Variants in NOXRED1 observed in about 807,000 individuals in gnomAD.
The protein encoded by NOXRED1 is NADP-dependent oxidoreductase domain-containing protein 1.
NOXRED1 carries 20 observed loss-of-function variants against 30.4 expected under a neutral mutation model. That is an observed-to-expected ratio of 0.66 (90% CI 0.46 to 0.96). NOXRED1 has a LOEUF of 0.96. Ranked by LOEUF, NOXRED1 falls within the 40% of genes least tolerant of loss-of-function variation. The probability of loss-of-function intolerance (pLI) is 0.00; values close to 1 mark genes in which losing one functional copy is unlikely to be tolerated. For synonymous variants in NOXRED1, 155 were observed against 168.0 expected (o/e 0.92, Z 0.60); for missense variants, 374 against 428.0 (o/e 0.87, Z 1.11).
At chr14:77,403,927 G>A (rs573483914) in intron 5 of NOXRED1, among the ~76,000 whole-genome samples, 1 of 152,264 alleles carries the variant, frequency 6.6e-6, no homozygotes, top group African/African-American at 2.4e-5. Context: ...GTACTAACCA[G>A]GCCCGACCCT....
chr14:77,423,134 TG>T lies in NOXRED1; in HGVS notation c.-246del. On this transcript the variant is annotated 5_prime_UTR_variant, in exon 1 of 6. The change abolishes the stop of an existing upstream ORF in the 5' untranslated region. Transcript: ENST00000380835. Reference sequence around the variant, plus strand: ...CTAATCACTGGCTGCCCATGAATCCTGGACTCATGAAAAACCTGTACAGAAA... The same window carrying T: ...CTAATCACTGGCTGCCCATGAATCCTGACTCATGAAAAACCTGTACAGAAA... 1 of 434,790 alleles carries T rather than the reference TG, an allele frequency of 2.3e-6. No individual in the cohort carries two copies. Among genetic ancestry groups the T allele is most frequent in the Non-Finnish European group, 4.1e-6 (1 of 246,270 alleles). 26.9% of individuals were successfully genotyped at this position (434,790 alleles called of 1,614,324 possible). A position where few individuals can be genotyped will look rare whatever the true frequency, so the allele number is the denominator to read the frequency against.
At chr14:77,421,573 G>T (rs1594883605) in intron 1 of NOXRED1, among the ~76,000 whole-genome samples, 1 of 151,990 alleles carries the variant, frequency 6.6e-6, no homozygotes, top group African/African-American at 2.4e-5. Flanking sequence ...GTTCATTCAG[G>T]GTACAACTTT....
chr14:77,410,139 G>GA (rs796291582), intron 2 of NOXRED1, among the ~76,000 whole-genome samples: 288 of 147,924 alleles, frequency 1.9e-3, no homozygotes, highest in African/African-American at 6.2e-3. Flanking sequence ...AGGAATATAG[G>GA]AAAAAAAAAA....
chr14:77,417,999 T>C (rs987693190), intron 1 of NOXRED1, among the ~76,000 whole-genome samples: 16 of 152,214 alleles, frequency 1.1e-4, no homozygotes, highest in African/African-American at 3.9e-4. Context: ...CAACCTATTT[T>C]AAGATGATAA....
intron 2 of NOXRED1, among the ~76,000 whole-genome samples, chr14:77,412,641 T>C (rs1894690751): frequency 6.6e-6 from 1 of 152,072 alleles, no homozygotes; most frequent in Non-Finnish European, 1.5e-5. Flanking sequence ...GCCGCCTGAG[T>C]AGCTGGGACT....
intron 5 of NOXRED1, among the ~76,000 whole-genome samples, chr14:77,405,573 A>G (rs529362603): frequency 1.3e-5 from 2 of 152,368 alleles, no homozygotes; most frequent in East Asian, 1.9e-4. Context: ...TTGTACTAAC[A>G]TAGAATGGTA....
At chr14:77,419,059 TCTTTCTTTCTC>T (rs386779042) in intron 1 of NOXRED1, among the ~76,000 whole-genome samples, 28 of 149,814 alleles carry the variant, frequency 1.9e-4, no homozygotes, top group African/African-American at 6.8e-4. Flanking sequence ...TCTGGGAAGC[TCTTTCTTTCTC>T]TTTTTTTTTT....
chr14:77,397,571 G>A (rs1228614292), intron 5 of NOXRED1, among the ~76,000 whole-genome samples: 2 of 152,022 alleles, frequency 1.3e-5, no homozygotes, highest in Non-Finnish European at 2.9e-5. Context: ...ATGTGACTCC[G>A]TATTTATCTC....
At chr14:77,402,089 G>A (rs556795016) in intron 5 of NOXRED1, among the ~76,000 whole-genome samples, 3 of 152,164 alleles carry the variant, frequency 2.0e-5, no homozygotes, top group Non-Finnish European at 4.4e-5. Context: ...TAACATAGGA[G>A]AAAATCTAGA....
At chr14:77,405,501 T>G (rs1231935501) in intron 5 of NOXRED1, among the ~76,000 whole-genome samples, 2 of 152,108 alleles carry the variant, frequency 1.3e-5, no homozygotes, top group African/African-American at 2.4e-5. Flanking sequence ...GTGAATAAAT[T>G]TAATGGAATA....
At chr14:77,404,178 TGA>T (rs1894397780) in intron 5 of NOXRED1, among the ~76,000 whole-genome samples, 1 of 152,104 alleles carries the variant, frequency 6.6e-6, no homozygotes, top group Admixed American at 6.6e-5. Context: ...AAGTAATTCA[TGA>T]GAGAGAAACA....
chr14:77,394,797 G>C lies in NOXRED1; in HGVS notation c.914C>G (p.Pro305Arg), dbSNP rs756032715. 1 of 1,612,550 alleles carries C rather than the reference G, an allele frequency of 6.2e-7. No homozygotes were observed. The highest frequency in any genetic ancestry group is 8.5e-7 in the Non-Finnish European group (1 of 1,178,870). ...TTGCACAGCAGTCAGATCAAACCAG[G>C]GGAAAGGCCTGAGGTGAAAAAAATA... ...GKNLSQERPF[P>R]WFDLTAVQLK... The change falls in exon 6 of 6, where the codon CCC (proline) becomes CGC (arginine). Residue 305 changes from proline to arginine, a missense_variant. Pro to Arg is a moderately radical substitution (Grantham distance 103, BLOSUM62 -2). Transcript: ENST00000380835.
chr14:77,406,506 T>C (rs1894460678), intron 4 of NOXRED1: 2 of 625,734 alleles, frequency 3.2e-6, no homozygotes, highest in Non-Finnish European at 5.7e-6. Flanking sequence ...ATCTCCTCTT[T>C]TGGTTTTAAT....
At chr14:77,396,824 A>G (rs1284010594) in intron 5 of NOXRED1, among the ~76,000 whole-genome samples, 1 of 152,234 alleles carries the variant, frequency 6.6e-6, no homozygotes, top group Non-Finnish European at 1.5e-5. Context: ...AATGAGTGGG[A>G]AAACTCAACA....
intron 5 of NOXRED1, among the ~76,000 whole-genome samples, chr14:77,395,448 C>A (rs1014964351): frequency 4.0e-5 from 6 of 151,684 alleles, no homozygotes; most frequent in African/African-American, 1.5e-4. Context: ...TATATAAGAT[C>A]GTGGACATTA....
At chr14:77,396,600 C>G (rs1894194232) in intron 5 of NOXRED1, among the ~76,000 whole-genome samples, 1 of 152,020 alleles carries the variant, frequency 6.6e-6, no homozygotes, top group Non-Finnish European at 1.5e-5. Flanking sequence ...AGCAAGGTTG[C>G]AGGATACAAA....
chr14:77,394,108 TA>T lies in NOXRED1; in HGVS notation c.*522del, dbSNP rs1228536571. 26 of 152,352 alleles carry T rather than the reference TA, an allele frequency of 1.7e-4. No homozygotes were observed. Among genetic ancestry groups the T allele is most frequent in the African/African-American group, 5.8e-4 (24 of 41,574 alleles). 9.4% of individuals were successfully genotyped at this position (152,352 alleles called of 1,614,324 possible). A position where few individuals can be genotyped will look rare whatever the true frequency, so the allele number is the denominator to read the frequency against. Reference sequence around the variant, plus strand: ...TGGTTTAAATGGGAACAGCTGTAAATAAGATAGTACCAGAACAGTCATATAT... The same window carrying T: ...TGGTTTAAATGGGAACAGCTGTAAATAGATAGTACCAGAACAGTCATATAT... On this transcript the variant is annotated 3_prime_UTR_variant, in exon 6 of 6. Coordinates refer to ENST00000380835, the MANE Select transcript of NOXRED1 (RefSeq NM_001113475.3).
chr14:77,425,239 G>C (rs565395108), upstream of NOXRED1, among the ~76,000 whole-genome samples: 2 of 152,064 alleles, frequency 1.3e-5, no homozygotes, highest in East Asian at 3.9e-4. Context: ...AGACAACTAC[G>C]TTAAACACAC....
In NOXRED1 at chr14:77,413,999, A is replaced by T. The variant is rs1357292299; in HGVS notation, c.284T>A (p.Leu95Gln). 8.1e-6 allele frequency: 13 copies of T among 1,611,494 alleles called. No homozygotes were observed. The highest frequency in any genetic ancestry group is 6.7e-5 in the Admixed American group (4 of 59,850). The change falls in exon 2 of 6, where the codon CTG becomes CAG. Residue 95 changes from leucine to glutamine, a missense_variant. Leu to Gln is a moderately radical substitution (Grantham distance 113). Coordinates refer to ENST00000380835, the MANE Select transcript of NOXRED1 (RefSeq NM_001113475.3). ...AGCAGGGATGGGGCCAAGCTGCAGCAGTGTGCCAGCCAGCTGCTTCCCAAG... is the reference window on the plus strand; with the variant it reads ...AGCAGGGATGGGGCCAAGCTGCAGCTGTGTGCCAGCCAGCTGCTTCCCAAG... ...GHLGKQLAGT[L>Q]LQLGPIPAES...
Sources: gnomAD v4.1 joint callset for allele counts (sites outside exome capture counted in the v4.1 genomes callset) on GRCh38, gnomAD v4.1.1 for gene constraint, MANE v1.5 for transcripts, NCBI Gene and HGNC (gene_info 2026-07-23, HGNC 2026-07-21) for gene names.